The following PRKN variants were observed in gnomAD, a reference collection of about 807,000 sequenced individuals.
PRKN encodes E3 ubiquitin-protein ligase parkin.
A neutral mutation model predicts 59.5 loss-of-function variants in PRKN; 56 were observed. The observed-to-expected ratio is 0.94, with a 90% CI of 0.76 to 1.18. The LOEUF is 1.18. Among genes scored for constraint, PRKN ranks in the 50% most tolerant of loss-of-function variants. PRKN has a pLI of 0.00. For synonymous variants in PRKN, 250 were observed against 222.1 expected (o/e 1.13, Z -1.12); for missense variants, 657 against 596.4 (o/e 1.10, Z -1.06).
intron 4 of PRKN, among the ~76,000 whole-genome samples, chr6:162,091,694 C>T (rs1779502865): frequency 6.6e-6 from 1 of 152,126 alleles, no homozygotes; most frequent in Non-Finnish European, 1.5e-5. Flanking sequence ...GAATCTTCTG[C>T]CTCCACCATA....
In PRKN at chr6:161,454,385, G is replaced by T. The variant is rs1034923221; in HGVS notation, c.1084-67508C>A. Among the ~76,000 whole-genome samples, 1 of 152,080 alleles carries T rather than the reference G, an allele frequency of 6.6e-6. No individual in the cohort carries two copies. The highest frequency in any genetic ancestry group is 1.9e-4 in the East Asian group (1 of 5,186). ...TGAAGAAGGCACTGGCTGGGGTTAG[G>T]GTGGCTTTGGGAAACCCTTGACTGC... On this transcript the variant is annotated intron_variant, in intron 9 of 11. Transcript: ENST00000366898. This position sits in a 1 kb window ranked among gnomAD's most constrained non-coding sequence, Gnocchi z 4.6.
intron 4 of PRKN, among the ~76,000 whole-genome samples, chr6:162,069,827 A>G (rs1778498776): frequency 6.6e-6 from 1 of 152,182 alleles, no homozygotes; most frequent in South Asian, 2.1e-4. Flanking sequence ...TCTTATTAAT[A>G]TTTTTCATTT....
intron 4 of PRKN, among the ~76,000 whole-genome samples, chr6:162,168,556 C>CAAAAAAAAA (rs771060815): frequency 4.2e-5 from 2 of 47,316 alleles, no homozygotes; most frequent in African/African-American, 7.7e-5. Flanking sequence ...ATCTGTTTTA[C>CAAAAAAAAA]AAAAAAAAAA....
intron 7 of PRKN, among the ~76,000 whole-genome samples, chr6:161,665,717 G>A (rs1784702073): frequency 6.6e-6 from 1 of 152,154 alleles, no homozygotes; most frequent in Admixed American, 6.5e-5. Flanking sequence ...ACTTCCAGTA[G>A]TGATTTTTAA....
At chr6:162,231,514 C>A (rs568979147) in intron 3 of PRKN, among the ~76,000 whole-genome samples, 4 of 152,242 alleles carry the variant, frequency 2.6e-5, no homozygotes, top group Non-Finnish European at 5.9e-5. Flanking sequence ...AGAACTGCAA[C>A]AAAGTGATAA....
chr6:162,374,780 T>C (rs1039675334), intron 2 of PRKN, among the ~76,000 whole-genome samples: 2 of 152,094 alleles, frequency 1.3e-5, no homozygotes, highest in South Asian at 2.1e-4. Context: ...TATAGTATTT[T>C]GGGGAGGCTA....
At chr6:162,630,365 G>T (rs1159508475) in intron 1 of PRKN, among the ~76,000 whole-genome samples, 1 of 152,056 alleles carries the variant, frequency 6.6e-6, no homozygotes, top group Non-Finnish European at 1.5e-5. Context: ...TTCCCAGGCT[G>T]CCCAAACTGC....
chr6:162,082,284 C>G (rs1779088172), intron 4 of PRKN, among the ~76,000 whole-genome samples: 1 of 152,032 alleles, frequency 6.6e-6, no homozygotes, highest in African/African-American at 2.4e-5. Context: ...TGTGCCTTCA[C>G]CTTCTGCCAT....
intron 1 of PRKN, among the ~76,000 whole-genome samples, chr6:162,573,429 C>G (rs142577037): frequency 4.0e-3 from 602 of 152,018 alleles, no homozygotes; most frequent in Admixed American, 5.5e-3. Flanking sequence ...TCCTGAGGAT[C>G]ATAACACCTT....
Position 161,399,093 on chromosome 6 carries a change from A to C in PRKN, c.1084-12216T>G, listed in dbSNP as rs928114361. ...GAAGGAATATCTGAATGTCGAGAGG[A>C]GTTCTGCTGCAGACAGTTAGAGAGG... On this transcript the variant is annotated intron_variant, in intron 9 of 11. Coordinates refer to ENST00000366898, the MANE Select transcript of PRKN (RefSeq NM_004562.3). This position sits in a 1 kb window ranked among gnomAD's most constrained non-coding sequence, Gnocchi z 4.4. Among the ~76,000 whole-genome samples the C allele has an allele frequency of 1.3e-5, 2 of 152,130 alleles. No individual in the cohort carries two copies. Among genetic ancestry groups the C allele is most frequent in the African/African-American group, 4.8e-5 (2 of 41,412 alleles).
intron 4 of PRKN, among the ~76,000 whole-genome samples, chr6:162,119,436 C>A (rs6932199): frequency 0.012 from 1,861 of 152,294 alleles, 43 homozygotes; most frequent in African/African-American, 0.042. Context: ...ATAGACACAA[C>A]TGTGCCAACT....
rs1778713142 is a variant in PRKN, at chr6:161,518,861, C to G, written c.1083+29993G>C. The stretch of plus-strand genomic sequence containing the variant: ...AGTCAAATAGAAAGCAGCTCTCACT[C>G]AGAGAGCAGCCCTCCACACCAATGT... On this transcript the variant is annotated intron_variant, in intron 9 of 11. Transcript: ENST00000366898. The surrounding 1 kb of genome is among the most constrained non-coding windows in gnomAD (Gnocchi z 5.0). 6.6e-6 allele frequency among the ~76,000 whole-genome samples: 1 copy of G among 152,178 alleles called. No homozygotes were observed. Among genetic ancestry groups the G allele is most frequent in the Non-Finnish European group, 1.5e-5 (1 of 68,038 alleles).
At chr6:162,562,319 T>C (rs1034587295) in intron 1 of PRKN, among the ~76,000 whole-genome samples, 1 of 152,130 alleles carries the variant, frequency 6.6e-6, no homozygotes, top group African/African-American at 2.4e-5. Context: ...GTCGAGGGCC[T>C]TGGGTGAGGC....
At chr6:162,550,726 T>C (rs1779302370) in intron 1 of PRKN, among the ~76,000 whole-genome samples, 1 of 152,144 alleles carries the variant, frequency 6.6e-6, no homozygotes. Flanking sequence ...GGATGTGCAA[T>C]AACATCACAC....
intron 5 of PRKN, among the ~76,000 whole-genome samples, chr6:162,022,942 A>ACTTACCAAAGGTCAGTTG (rs1783266974): frequency 6.6e-6 from 1 of 152,072 alleles, no homozygotes; most frequent in Non-Finnish European, 1.5e-5. Context: ...ATTTTTATCA[A>ACTTACCAAAGGTCAGTTG]CTTACCAAAG....
chr6:161,908,013 G>T (rs1410470575), intron 6 of PRKN, among the ~76,000 whole-genome samples: 1 of 152,060 alleles, frequency 6.6e-6, no homozygotes, highest in South Asian at 2.1e-4. Context: ...AAGAGGCAAA[G>T]GTTGCCGTGA....
At chr6:162,048,062 C>T (rs984167860) in intron 5 of PRKN, among the ~76,000 whole-genome samples, 1 of 151,938 alleles carries the variant, frequency 6.6e-6, no homozygotes, top group Non-Finnish European at 1.5e-5. Context: ...AGGTGTTACG[C>T]TACTTGTTCT....
chr6:162,612,679 A>AT (rs1782246684), intron 1 of PRKN, among the ~76,000 whole-genome samples: 1 of 152,048 alleles, frequency 6.6e-6, no homozygotes, highest in Non-Finnish European at 1.5e-5. Context: ...CATCAACAGC[A>AT]TAAGTTCTTC....
At chr6:162,396,354 C>T (rs1019508137) in intron 2 of PRKN, among the ~76,000 whole-genome samples, 2 of 152,146 alleles carry the variant, frequency 1.3e-5, no homozygotes, top group African/African-American at 2.4e-5. Context: ...CTCCTTGCTG[C>T]CCCACCACAT....
Sources: allele counts gnomAD v4.1 joint callset (sites outside exome capture counted in the v4.1 genomes callset), GRCh38; gene constraint gnomAD v4.1.1; non-coding constraint Gnocchi (gnomAD v3.1); transcripts MANE v1.5; gene names NCBI Gene and HGNC (gene_info 2026-07-23, HGNC 2026-07-21).